Variants in CCT5 observed in about 807,000 individuals in gnomAD.
CCT5 encodes the protein chaperonin containing TCP1 subunit 5.
In CCT5, 6 loss-of-function variants were observed where a neutral mutation model predicts 55.0. The ratio of observed to expected loss-of-function variants is 0.11; its 90% confidence interval spans 0.06 to 0.22. CCT5 has a LOEUF of 0.22. Among genes scored for constraint, CCT5 ranks in the 10% least tolerant of loss-of-function variants. The pLI, the probability that CCT5 is intolerant of heterozygous loss-of-function variation, is 1.00. For missense variants in CCT5, 560 were observed against 694.6 expected (o/e 0.81, Z 2.18); for synonymous variants, 231 against 243.7 (o/e 0.95, Z 0.49).
At chr5:10,262,868 TG>T (rs1168249654) in intron 9 of CCT5, among the ~76,000 whole-genome samples, 1 of 152,254 alleles carries the variant, frequency 6.6e-6, no homozygotes, top group Non-Finnish European at 1.5e-5. Flanking sequence ...TAATGTTATT[TG>T]AAATTCAAAA....
In CCT5 at chr5:10,260,939, G is replaced by T. The variant is rs201941072; in HGVS notation, c.993+28G>T. ...AGGATGTTCCACGTGAAGAGACTTT[G>T]AGAAGTAGGGGTTCATCTTATGTGT... On this transcript the variant is annotated intron_variant, in intron 7 of 10. Transcript: ENST00000280326. 2.5e-6 allele frequency: 4 copies of T among 1,612,910 alleles called. No homozygotes were observed. The East Asian group carries it at 6.7e-5, about 27-fold the overall frequency.
chr5:10,250,715 G>A, intron 1 of CCT5: 1 of 1,301,770 alleles, frequency 7.7e-7, no homozygotes, highest in Non-Finnish European at 9.8e-7. Flanking sequence ...GGTCGCCCGC[G>A]GGAGCAAAGC....
chr5:10,258,334 G>T (rs1368808122), intron 5 of CCT5, 31 bp downstream of exon 5: 3 of 1,613,894 alleles, frequency 1.9e-6, no homozygotes. Flanking sequence ...GCTTCGCACT[G>T]TTGGTTAACT....
chr5:10,263,148 A>G lies in CCT5; in HGVS notation c.1332A>G (p.Glu444=). 6.2e-7 allele frequency: 1 copy of G among 1,614,176 alleles called. No individual in the cohort carries two copies. Among genetic ancestry groups the G allele is most frequent in the Non-Finnish European group, 8.5e-7 (1 of 1,180,024 alleles). Residue 444 remains glutamate (E), a synonymous_variant, in exon 10 of 11, where the codon GAA becomes GAG. Coordinates refer to ENST00000280326, the MANE Select transcript of CCT5 (RefSeq NM_012073.5). ...TACCTTTCCAGTGCCCCACCTTAGAACAGTATGCCATGAGAGCGTTTGCCG... is the reference window on the plus strand; with the variant it reads ...TACCTTTCCAGTGCCCCACCTTAGAGCAGTATGCCATGAGAGCGTTTGCCG... ...SQEADKCPTL[E]QYAMRAFADA... is the part of the protein sequence containing the mutation.
At position 10,262,330 on chromosome 5, in the gene CCT5, A is replaced by G. The variant is rs1746006613; in HGVS notation, c.1180-151A>G. 5 of 860,090 alleles carry G rather than the reference A, an allele frequency of 5.8e-6. No homozygotes were observed. The Admixed American group carries it at 8.1e-5, about 14-fold the overall frequency. The allele number at this position is 860,090 out of a possible 1,614,324, so 53.3% of individuals were successfully genotyped here. On this transcript the variant is annotated intron_variant, in intron 8 of 10. Transcript: ENST00000280326. ...TGAATTTTGTTAACTACATTGCAGG[A>G]AGGAAAGCTAGAAAGATAAATATTA...
In CCT5 at chr5:10,258,272, A is replaced by G. The variant is rs762850699; in HGVS notation, c.692A>G (p.Asp231Gly). ...AAACTGATTAAGGGCGTGATTGTGG[A>G]CAAGGATTTCAGTCACCCACAGATG... Reference protein sequence around the residue: ...DTKLIKGVIVDKDFSHPQMPK... With the variant: ...DTKLIKGVIVGKDFSHPQMPK... Residue 231 changes from aspartate to glycine, a missense_variant, in exon 5 of 11, where the codon GAC (aspartate) becomes GGC (glycine). Around this residue, in one of 4 missense-constraint regions of CCT5, gnomAD observed 256 missense variants for 372.4 expected, o/e 0.69. Coordinates refer to ENST00000280326, the MANE Select transcript of CCT5 (RefSeq NM_012073.5). 2.5e-6 allele frequency: 4 copies of G among 1,614,232 alleles called. No homozygotes were observed. In the East Asian group the frequency reaches 6.7e-5, roughly 27 times the overall value.
At chr5:10,264,578 C>A in intron 10 of CCT5, 78 bp from the exon 11 acceptor site, 1 of 968,546 alleles carries the variant, frequency 1.0e-6, no homozygotes, top group Non-Finnish European at 1.7e-6. Flanking sequence ...TACTGTGATT[C>A]CCTAAATCAG....
At chr5:10,254,864 T>C in intron 3 of CCT5, 26 bp downstream of exon 3, 6 of 1,601,000 alleles carry the variant, frequency 3.7e-6, no homozygotes, top group Admixed American at 1.7e-5. Context: ...ACATCCTTTC[T>C]CATTTAAGAG....
At chr5:10,250,063 G>T, upstream of CCT5, 1 of 1,539,952 alleles carries the variant, frequency 6.5e-7, no homozygotes, top group South Asian at 1.2e-5. Context: ...TTTAAAAAAT[G>T]ACAAATTCAA....
rs16884445 is a variant in CCT5, at chr5:10,262,175, A to G, written c.1180-306A>G. 5.3e-3 allele frequency: 2,220 copies of G among 417,358 alleles called. 44 individuals are homozygous for G. Among genetic ancestry groups the G allele is most frequent in the African/African-American group, 0.04 (1,949 of 49,330 alleles). 25.9% of individuals were successfully genotyped at this position (417,358 alleles called of 1,614,324 possible). A position where few individuals can be genotyped will look rare whatever the true frequency, so the allele number is the denominator to read the frequency against. On this transcript the variant is annotated intron_variant, in intron 8 of 10. Coordinates refer to ENST00000280326, the MANE Select transcript of CCT5 (RefSeq NM_012073.5). The stretch of plus-strand genomic sequence containing the variant: ...TAGAAAAAGGGAACCCAAGTGAATA[A>G]CCATTGACGATCTCTGTTCTTTGAG...
At chr5:10,251,234 A>T (rs559295542) in intron 1 of CCT5, among the ~76,000 whole-genome samples, 1 of 152,218 alleles carries the variant, frequency 6.6e-6, no homozygotes, top group Non-Finnish European at 1.5e-5. Context: ...AATGCCCAAC[A>T]TGGAAAATAC....
In CCT5 at chr5:10,265,618, G is replaced by GGA. The variant is rs1327077869; in HGVS notation, c.*835_*836insGA. 3.3e-4 allele frequency: 50 copies of GGA among 152,118 alleles called. 1 individual carries two copies. Among genetic ancestry groups the GGA allele is most frequent in the African/African-American group, 1.2e-3 (49 of 41,412 alleles). 9.4% of individuals were successfully genotyped at this position (152,118 alleles called of 1,614,324 possible). A position where few individuals can be genotyped will look rare whatever the true frequency, so the allele number is the denominator to read the frequency against. ...ACGCTCCGAGAACTCTACCGGGATT[G>GGA]TCTGTTCTGACAACCCAGTGAGGCA... On this transcript the variant is annotated 3_prime_UTR_variant, in exon 11 of 11. Transcript: ENST00000280326.
intron 9 of CCT5, 98 bp downstream of exon 9, chr5:10,262,716 A>G (rs1561051878): frequency 4.6e-6 from 6 of 1,314,294 alleles, no homozygotes; most frequent in Non-Finnish European, 6.6e-6. Context: ...CAAAACAAGC[A>G]TCGTGAGCTG....
At position 10,264,876 on chromosome 5, in the gene CCT5, T is replaced by TATTG. The variant is rs1746145280; in HGVS notation, c.*93_*94insATTG. 3 of 1,513,988 alleles carry TATTG rather than the reference T, an allele frequency of 2.0e-6. No individual in the cohort carries two copies. The African/African-American group carries it at 4.1e-5, about 21-fold the overall frequency. The allele number at this position is 1,513,988 out of a possible 1,614,324, so 93.8% of individuals were successfully genotyped here. A position where few individuals can be genotyped will look rare whatever the true frequency, so the allele number is the denominator to read the frequency against. ...TCTACAGTTATTTATTGTTACATCC[T>TATTG]TTTCCAGACACTGTAGATGCTATAA... On this transcript the variant is annotated 3_prime_UTR_variant, in exon 11 of 11. Transcript: ENST00000280326.
intron 6 of CCT5, among the ~76,000 whole-genome samples, chr5:10,259,847 G>T (rs1031252683): frequency 6.6e-6 from 1 of 152,210 alleles, no homozygotes; most frequent in Non-Finnish European, 1.5e-5. Flanking sequence ...CTGGTGAGGC[G>T]CAGGTTGCTG....
rs1007642769 is a variant in CCT5 at position 10,250,793 on chromosome 5, G to T, written c.105+348G>T. 4 of 1,168,394 alleles carry T rather than the reference G, an allele frequency of 3.4e-6. No individual in the cohort carries two copies. The South Asian group carries it at 8.9e-5, about 26-fold the overall frequency. 72.4% of individuals were successfully genotyped at this position (1,168,394 alleles called of 1,614,324 possible). The stretch of plus-strand genomic sequence containing the variant: ...TGGGACTGCGCTCCAGTGGGAGGGC[G>T]CCGGGGAGATGCTCTGTCACCTGTC... On this transcript the variant is annotated intron_variant, in intron 1 of 10. Coordinates refer to ENST00000280326, the MANE Select transcript of CCT5 (RefSeq NM_012073.5).
rs916988218 is a variant in CCT5, at chr5:10,263,289, C to T, written c.1473C>T (p.Ile491=). ...QVKEMNPALG[I]DCLHKGTNDM... ...AGGAGATGAACCCTGCTCTTGGCAT[C>T]GACTGTTTGCACAAGGGGACAAATG... The change falls in exon 10 of 11, where the codon ATC becomes ATT. Residue 491 remains isoleucine, a synonymous_variant. Coordinates refer to ENST00000280326, the MANE Select transcript of CCT5 (RefSeq NM_012073.5). 3.7e-6 allele frequency: 6 copies of T among 1,613,598 alleles called. No individual in the cohort carries two copies. The highest frequency in any genetic ancestry group is 1.3e-5 in the African/African-American group (1 of 74,612).
At chr5:10,252,776 T>C (rs967597381) in intron 1 of CCT5, among the ~76,000 whole-genome samples, 28 of 152,174 alleles carry the variant, frequency 1.8e-4, no homozygotes, top group African/African-American at 6.5e-4. Context: ...TACTCTTCCC[T>C]CTGGAAACAC....
intron 1 of CCT5, among the ~76,000 whole-genome samples, chr5:10,251,930 G>A (rs758548188): frequency 2.0e-5 from 3 of 152,152 alleles, no homozygotes; most frequent in Non-Finnish European, 4.4e-5. Flanking sequence ...CCCAGAAGTC[G>A]CACACTCTGA....
Sources: allele counts gnomAD v4.1 joint callset (sites outside exome capture counted in the v4.1 genomes callset), GRCh38; gene constraint gnomAD v4.1.1; regional missense constraint gnomAD v4.1.1; transcripts MANE v1.5; gene names NCBI Gene and HGNC (gene_info 2026-07-23, HGNC 2026-07-21).